MAP7D2: variants seen among roughly 807,000 people sequenced by gnomAD.
The protein encoded by MAP7D2 is MAP7 domain containing 2, also known as MAP7 domain-containing protein 2.
In MAP7D2, 33 loss-of-function variants were observed where a neutral mutation model predicts 63.5. The ratio of observed to expected loss-of-function variants is 0.52; its 90% CI spans 0.39 to 0.70. The LOEUF is 0.70. Ranked by LOEUF, MAP7D2 falls within the 30% of genes least tolerant of loss-of-function variation. The probability of loss-of-function intolerance (pLI) is 0.00; values close to 1 mark genes in which losing one functional copy is unlikely to be tolerated. For synonymous variants in MAP7D2, 224 were observed against 223.7 expected (o/e 1.00, Z -0.01); for missense variants, 626 against 604.0 (o/e 1.04, Z -0.38).
At chrX:20,023,798 C>T (rs2073741254) in intron 10 of MAP7D2, among the ~76,000 whole-genome samples, 1 of 111,260 alleles carries the variant, frequency 9.0e-6, no homozygotes, top group Non-Finnish European at 1.9e-5. Flanking sequence ...CCTTCACACA[C>T]CTTAAGGCCC....
At chrX:20,015,033 A>G (rs899105223) in intron 12 of MAP7D2, among the ~76,000 whole-genome samples, 190 bp downstream of exon 12, 2 of 111,813 alleles carry the variant, frequency 1.8e-5, no homozygotes, top group Non-Finnish European at 3.8e-5. Flanking sequence ...GGAGTTTTTA[A>G]CAATCTTTCT....
At chrX:20,038,450 C>A (rs2064557365) in intron 8 of MAP7D2, among the ~76,000 whole-genome samples, 1 of 111,753 alleles carries the variant, frequency 8.9e-6, no homozygotes, top group Admixed American at 9.5e-5. Flanking sequence ...TTTGAAGTCA[C>A]AATTACAATG....
At chrX:20,029,667 A>T (rs1008914754) in intron 8 of MAP7D2, among the ~76,000 whole-genome samples, 5 of 111,771 alleles carry the variant, frequency 4.5e-5, no homozygotes, top group Non-Finnish European at 9.4e-5. Flanking sequence ...CTCATTAAGA[A>T]GTCTGTTTAC....
chrX:20,050,503 T>G (rs2064917508), intron 6 of MAP7D2, among the ~76,000 whole-genome samples: 1 of 111,991 alleles, frequency 8.9e-6, no homozygotes, highest in African/African-American at 3.2e-5. Context: ...TAGAGCTGGC[T>G]ATGGGACACC....
intron 1 of MAP7D2, among the ~76,000 whole-genome samples, chrX:20,101,221 A>G (rs1040411350): frequency 1.1e-4 from 12 of 112,112 alleles, no homozygotes; most frequent in African/African-American, 3.9e-4. Flanking sequence ...AGAAATGAAT[A>G]CAAGCCACTT....
chrX:20,011,018 C>G lies in MAP7D2; in HGVS notation c.2107G>C (p.Glu703Gln). 4 of 1,210,119 alleles carry G rather than the reference C, an allele frequency of 3.3e-6. No homozygotes were observed. The highest frequency in any genetic ancestry group is 4.5e-6 in the Non-Finnish European group (4 of 894,310). ...ATCATTTCACTCACTGGTGAAAATT[C>G]CGGGATAGAGATAAGCTCTTCTTTT... is the stretch of plus-strand genomic sequence containing the variant. Reference protein sequence around the residue: ...VSKEELISIPEFSPVSEMIPG... With the variant: ...VSKEELISIPQFSPVSEMIPG... Residue 703 changes from glutamate (E) to glutamine (Q), a missense_variant, in exon 16 of 17, where the codon GAA becomes CAA. Physicochemically the swap from Glu to Gln is conservative, Grantham distance 29. Coordinates refer to ENST00000379643, the MANE Select transcript of MAP7D2 (RefSeq NM_001168465.2).
At chrX:20,089,889 G>A (rs1053373371) in intron 1 of MAP7D2, among the ~76,000 whole-genome samples, 2 of 110,257 alleles carry the variant, frequency 1.8e-5, no homozygotes, top group African/African-American at 6.6e-5. Context: ...TTCTTGAGGT[G>A]TAACTTACAT....
chrX:20,073,532 CT>C (rs1335817629), intron 1 of MAP7D2, among the ~76,000 whole-genome samples: 67 of 94,932 alleles, frequency 7.1e-4, no homozygotes, highest in Admixed American at 1.0e-3. Flanking sequence ...CTTTTCTTTT[CT>C]TTTTTTTTTT....
chrX:20,047,027 A>G, intron 6 of MAP7D2, among the ~76,000 whole-genome samples: 1 of 113,022 alleles, frequency 8.8e-6, no homozygotes, highest in Admixed American at 9.3e-5. Flanking sequence ...CCTAGATGGC[A>G]TGTGACAGCA....
chrX:20,017,227 T>C (rs1317521238), intron 10 of MAP7D2: 2 of 114,213 alleles, frequency 1.8e-5, no homozygotes, highest in African/African-American at 6.5e-5. Context: ...GGAAAAGCTA[T>C]ACTATTGTTC....
At chrX:20,111,651 A>T (rs1283323833) in intron 1 of MAP7D2, among the ~76,000 whole-genome samples, 1 of 111,853 alleles carries the variant, frequency 8.9e-6, no homozygotes, top group African/African-American at 3.3e-5. Flanking sequence ...GGTGGTGAAC[A>T]TGTTCTAAAA....
intron 1 of MAP7D2, among the ~76,000 whole-genome samples, chrX:20,096,124 A>G (rs1354831820): frequency 2.9e-5 from 3 of 104,533 alleles, no homozygotes; most frequent in African/African-American, 1.0e-4. Context: ...AGAAAAAAAG[A>G]AAAGAAAAGA....
At chrX:20,111,261 G>A (rs1336566498) in intron 1 of MAP7D2, among the ~76,000 whole-genome samples, 2 of 111,525 alleles carry the variant, frequency 1.8e-5, no homozygotes, top group Admixed American at 1.9e-4. Flanking sequence ...GCACATAAGT[G>A]CTCAACAATT....
At chrX:20,039,870 A>G (rs1233839282) in intron 8 of MAP7D2, among the ~76,000 whole-genome samples, 1 of 109,720 alleles carries the variant, frequency 9.1e-6, no homozygotes, top group Non-Finnish European at 1.9e-5. Context: ...ATGGTAGTGC[A>G]TGCCTGTAAT....
intron 1 of MAP7D2, among the ~76,000 whole-genome samples, chrX:20,086,085 T>G (rs183559849): frequency 8.9e-6 from 1 of 112,437 alleles, no homozygotes; most frequent in Non-Finnish European, 1.9e-5. Context: ...AGACCTTCAT[T>G]GTATGCAAAG....
intron 3 of MAP7D2, among the ~76,000 whole-genome samples, chrX:20,058,912 C>T (rs2065131280): frequency 8.9e-6 from 1 of 111,876 alleles, no homozygotes. Context: ...TTTGTGTGTA[C>T]CTTTTTGTTC....
Position 20,052,907 on chromosome X carries a change from G to A in MAP7D2, c.566C>T (p.Thr189Ile), listed in dbSNP as rs2064985048. The A allele has an allele frequency of 1.7e-6, 2 of 1,210,066 alleles. No individual in the cohort carries two copies. The highest frequency in any genetic ancestry group is 2.2e-6 in the Non-Finnish European group (2 of 893,590). Residue 189 changes from threonine to isoleucine, a missense_variant, in exon 5 of 17, where the codon ACC becomes ATC. By Grantham distance (89) the Thr-to-Ile change is moderately conservative. Coordinates refer to ENST00000379643, the MANE Select transcript of MAP7D2 (RefSeq NM_001168465.2). The stretch of plus-strand genomic sequence containing the variant: ...GTCTGGGGAATAGGATATTGCCACG[G>A]TGGATGAAGACAGGCGTTTATTCAT... The part of the protein sequence containing the change: ...PPMNKRLSSS[T>I]VAISYSPDRA...
At chrX:20,026,838 G>A (rs1487958240) in intron 8 of MAP7D2, among the ~76,000 whole-genome samples, 1 of 111,882 alleles carries the variant, frequency 8.9e-6, no homozygotes, top group Non-Finnish European at 1.9e-5. Flanking sequence ...GGTTTGAACA[G>A]GGATGTGGGC....
chrX:20,027,757 G>GGAGGGAGA (rs1556533298), intron 8 of MAP7D2, among the ~76,000 whole-genome samples: 1 of 76,252 alleles, frequency 1.3e-5, no homozygotes, highest in Non-Finnish European at 2.5e-5. Context: ...GAAGGCGGGG[G>GGAGGGAGA]GAGAGAGAGA....
Sources: gnomAD v4.1 joint callset for allele counts (sites outside exome capture counted in the v4.1 genomes callset) on GRCh38, gnomAD v4.1.1 for gene constraint, MANE v1.5 for transcripts, NCBI Gene and HGNC (gene_info 2026-07-23, HGNC 2026-07-21) for gene names.